Variants in ERBB4 observed in about 807,000 individuals in gnomAD.
ERBB4 encodes erb-b2 receptor tyrosine kinase 4.
A neutral mutation model predicts 158.0 loss-of-function variants in ERBB4; 42 were observed. The ratio of observed to expected loss-of-function variants is 0.27; its 90% CI spans 0.21 to 0.34. The LOEUF (loss-of-function observed/expected upper bound fraction) is 0.34, where lower values mean the gene tolerates loss of function less well. ERBB4 is among the 10% of genes least tolerant of loss of function. The pLI is 1.00. For missense variants in ERBB4, 1,333 were observed against 1,624.1 expected, an observed-to-expected ratio of 0.82 and a Z score of 3.08; for synonymous variants, 583 against 558.7, an observed-to-expected ratio of 1.04 and a Z score of -0.61.
At chr2:211,711,224 G>A (rs917096207) in intron 9 of ERBB4, among the ~76,000 whole-genome samples, 4 of 151,860 alleles carry the variant, frequency 2.6e-5, no homozygotes, top group African/African-American at 7.3e-5. Flanking sequence ...ATTCCTATTT[G>A]GACATATTTA....
intron 1 of ERBB4, among the ~76,000 whole-genome samples, chr2:212,257,768 T>C (rs1292721122): frequency 6.6e-6 from 1 of 152,150 alleles, no homozygotes; most frequent in Admixed American, 6.6e-5. Context: ...GTATATATTA[T>C]CTACTGTAGT....
chr2:212,123,736 A>G (rs1345151525), intron 2 of ERBB4, among the ~76,000 whole-genome samples: 1 of 152,202 alleles, frequency 6.6e-6, no homozygotes, highest in Non-Finnish European at 1.5e-5. Context: ...TATTTAGTAC[A>G]TTGAAAATAT....
At chr2:212,132,475 G>A (rs1284695041) in intron 1 of ERBB4, among the ~76,000 whole-genome samples, 1 of 152,180 alleles carries the variant, frequency 6.6e-6, no homozygotes, top group East Asian at 1.9e-4. Context: ...CAGTGTGGGT[G>A]AGTATTATCC....
At chr2:211,695,972 C>T (rs1244031145) in intron 12 of ERBB4, among the ~76,000 whole-genome samples, 1 of 150,224 alleles carries the variant, frequency 6.7e-6, no homozygotes, top group African/African-American at 2.5e-5. Flanking sequence ...TTCTTTTTAT[C>T]CTTCCTTCCT....
At chr2:212,064,079 A>T (rs56124618) in intron 2 of ERBB4, among the ~76,000 whole-genome samples, 30,848 of 152,102 alleles carry the variant, frequency 0.2, 3,741 homozygotes, top group Non-Finnish European at 0.28. Context: ...AGAAGGTCAA[A>T]AGAATCTTTC....
chr2:211,614,479 C>A (rs979523239), intron 19 of ERBB4, among the ~76,000 whole-genome samples: 4 of 152,034 alleles, frequency 2.6e-5, no homozygotes, highest in Non-Finnish European at 5.9e-5. Flanking sequence ...CCATTCTCCA[C>A]GATGTGCTTA....
intron 20 of ERBB4, among the ~76,000 whole-genome samples, chr2:211,541,628 C>A (rs1246285217): frequency 6.6e-6 from 1 of 152,058 alleles, no homozygotes; most frequent in Non-Finnish European, 1.5e-5. Context: ...TGTTCTTCTT[C>A]ATCAGGACTT....
intron 1 of ERBB4, among the ~76,000 whole-genome samples, chr2:212,435,791 A>T (rs1472445935): frequency 6.6e-6 from 1 of 151,958 alleles, no homozygotes; most frequent in Non-Finnish European, 1.5e-5. Context: ...CAAGCTCCAG[A>T]CCTAGGATTT....
At chr2:212,401,371 ACTTCATGACT>A (rs989762358) in intron 1 of ERBB4, among the ~76,000 whole-genome samples, 1 of 152,198 alleles carries the variant, frequency 6.6e-6, no homozygotes, top group African/African-American at 2.4e-5. Flanking sequence ...AGATTAGCTT[ACTTCATGACT>A]GGCCTCTAAA....
intron 1 of ERBB4, among the ~76,000 whole-genome samples, chr2:212,168,039 C>T (rs765223875): frequency 6.7e-5 from 10 of 148,208 alleles, no homozygotes; most frequent in Non-Finnish European, 1.5e-4. Context: ...GCACGTTCTG[C>T]ATATGTATCC....
At chr2:211,904,974 G>A (rs528369985) in intron 3 of ERBB4, among the ~76,000 whole-genome samples, 1 of 152,136 alleles carries the variant, frequency 6.6e-6, no homozygotes, top group Non-Finnish European at 1.5e-5. Context: ...ATAGCTGAGA[G>A]AATATCCAAA....
chr2:211,660,901 G>A (rs1004600459), intron 15 of ERBB4, among the ~76,000 whole-genome samples: 1 of 152,156 alleles, frequency 6.6e-6, no homozygotes, highest in African/African-American at 2.4e-5. Context: ...CTTCAAGAAA[G>A]AGGCGGTGAT....
At chr2:211,978,441 A>G (rs1479540291) in intron 2 of ERBB4, among the ~76,000 whole-genome samples, 1 of 71,930 alleles carries the variant, frequency 1.4e-5, no homozygotes, top group Non-Finnish European at 2.9e-5. Flanking sequence ...TATCTATCTA[A>G]TTTAATGAGA....
intron 3 of ERBB4, among the ~76,000 whole-genome samples, chr2:211,848,853 G>T (rs1423624307): frequency 1.3e-5 from 2 of 152,034 alleles, no homozygotes; most frequent in Non-Finnish European, 2.9e-5. Context: ...TAGTTTATCA[G>T]CTGGTATGCA....
intron 19 of ERBB4, among the ~76,000 whole-genome samples, chr2:211,602,612 C>A (rs2068835447): frequency 6.6e-6 from 1 of 152,066 alleles, no homozygotes; most frequent in South Asian, 2.1e-4. Flanking sequence ...CTTAGGGTAC[C>A]ATATAAAGTA....
At chr2:212,304,086 T>C (rs1254797130) in intron 1 of ERBB4, among the ~76,000 whole-genome samples, 1 of 151,584 alleles carries the variant, frequency 6.6e-6, no homozygotes, top group Non-Finnish European at 1.5e-5. Flanking sequence ...ACTATACGTA[T>C]ACCAGCAATT....
At chr2:212,183,927 G>A (rs781551138) in intron 1 of ERBB4, among the ~76,000 whole-genome samples, 2 of 152,002 alleles carry the variant, frequency 1.3e-5, no homozygotes, top group African/African-American at 2.4e-5. Flanking sequence ...TTGAATTTGT[G>A]ATTTAAGAAC....
chr2:211,417,755 G>T (rs969733706), intron 25 of ERBB4, among the ~76,000 whole-genome samples: 2 of 152,092 alleles, frequency 1.3e-5, no homozygotes, highest in African/African-American at 4.8e-5. Flanking sequence ...AGCAGTAATT[G>T]CATCAACAAG....
intron 7 of ERBB4, among the ~76,000 whole-genome samples, chr2:211,718,372 C>T (rs1020806186): frequency 2.8e-4 from 43 of 152,170 alleles, no homozygotes; most frequent in African/African-American, 9.9e-4. Flanking sequence ...ATCCAAAATG[C>T]TTGGGACCAG....
Sources: gnomAD v4.1 joint callset for allele counts (sites outside exome capture counted in the v4.1 genomes callset) on GRCh38, gnomAD v4.1.1 for gene constraint, MANE v1.5 for transcripts, NCBI Gene and HGNC (gene_info 2026-07-23, HGNC 2026-07-21) for gene names.